The following DPH6 variants were observed in gnomAD, a reference collection of about 807,000 sequenced individuals.
The protein encoded by DPH6 is diphthamine biosynthesis 6.
In DPH6, 33 loss-of-function variants were observed where a neutral mutation model predicts 38.2. The observed-to-expected ratio is 0.86, with a 90% CI of 0.65 to 1.15. The LOEUF (loss-of-function observed/expected upper bound fraction) is 1.15. DPH6 is among the 50% of genes most tolerant of loss of function. The probability of loss-of-function intolerance (pLI) is 0.00; values close to 1 mark genes in which losing one functional copy is unlikely to be tolerated. For synonymous variants in DPH6, 108 were observed against 103.0 expected (o/e 1.05, Z -0.30); for missense variants, 325 against 320.0 (o/e 1.02, Z -0.12).
intron 8 of DPH6, 132 bp downstream of exon 8, chr15:35,373,389 G>GA (rs537631191): frequency 1.9e-4 from 140 of 720,028 alleles, no homozygotes; most frequent in Non-Finnish European, 2.5e-4. Context: ...CTGAGGAGCT[G>GA]AAAAAAAACC....
intron 3 of DPH6, chr15:35,237,212 G>A (rs2051558936): frequency 1.1e-6 from 1 of 878,778 alleles, no homozygotes; most frequent in Non-Finnish European, 1.9e-6. Flanking sequence ...TGCCGGGGGT[G>A]CTGGGGGCTC....
At chr15:35,233,211 A>C (rs2051530339) in intron 3 of DPH6, among the ~76,000 whole-genome samples, 1 of 152,134 alleles carries the variant, frequency 6.6e-6, no homozygotes, top group South Asian at 2.1e-4. Flanking sequence ...CGGGAATCTG[A>C]GGCAGTAGAA....
chr15:35,477,003 T>C (rs1396149591), intron 3 of DPH6, among the ~76,000 whole-genome samples: 1 of 151,764 alleles, frequency 6.6e-6, no homozygotes, highest in Non-Finnish European at 1.5e-5. Flanking sequence ...AACAAATACA[T>C]TTGCAAATTA....
chr15:35,299,314 G>A (rs1017720476), intron 3 of DPH6: 2 of 1,030,744 alleles, frequency 1.9e-6, no homozygotes, highest in South Asian at 1.3e-5. Context: ...ACCTTGTTTC[G>A]TCCTTTGGCT....
At chr15:35,520,894 A>G in intron 3 of DPH6, 1 of 985,202 alleles carries the variant, frequency 1.0e-6, no homozygotes, top group Non-Finnish European at 1.2e-6. Context: ...GAAAAACAGT[A>G]TACAACTCAT....
intron 3 of DPH6, chr15:35,298,504 T>A: frequency 1.3e-6 from 1 of 775,784 alleles, no homozygotes; most frequent in Non-Finnish European, 2.4e-6. Context: ...CATCCACCTT[T>A]CCCGCACCAA....
intron 3 of DPH6, among the ~76,000 whole-genome samples, chr15:35,478,368 CA>C (rs1285863076): frequency 1.2e-4 from 2 of 16,536 alleles, no homozygotes; most frequent in Non-Finnish European, 7.8e-4. Context: ...CCCACACATA[CA>C]CACACACACA....
intron 3 of DPH6, among the ~76,000 whole-genome samples, chr15:35,356,599 A>G (rs1267938978): frequency 6.6e-6 from 1 of 152,134 alleles, no homozygotes; most frequent in Non-Finnish European, 1.5e-5. Flanking sequence ...AGAGCAGCGG[A>G]TATTGGTGAA....
chr15:35,145,624 C>T, the DPH6 span, among the ~76,000 whole-genome samples: 41 of 152,164 alleles, frequency 2.7e-4, no homozygotes, highest in African/African-American at 8.4e-4. Context: ...TTCAGTTTGT[C>T]AAAATTCTTC....
intron 3 of DPH6, among the ~76,000 whole-genome samples, chr15:35,524,328 A>G (rs2031272090): frequency 6.6e-6 from 1 of 152,110 alleles, no homozygotes; most frequent in African/African-American, 2.4e-5. Flanking sequence ...CCTAGACCAC[A>G]CTTTGAGTAG....
intron 7 of DPH6, 78 bp from the exon 8 acceptor site, chr15:35,373,686 G>T: frequency 9.1e-7 from 1 of 1,103,164 alleles, no homozygotes; most frequent in Non-Finnish European, 1.3e-6. Context: ...GACTAGAAGA[G>T]ACTAAACATT....
rs1595440037 is a variant in DPH6 at position 35,521,780 on chromosome 15, T to C, written c.312+16494A>G. ...TGCTAAAAGGATGCAACATTGTTGA[T>C]TCATATACAAGCATTTTACTTAACT... On this transcript the variant is annotated intron_variant, in intron 3 of 8. Coordinates refer to ENST00000256538, the MANE Select transcript of DPH6 (RefSeq NM_080650.4). 10 of 1,236,518 alleles carry C rather than the reference T, an allele frequency of 8.1e-6. No individual in the cohort carries two copies. In the East Asian group the frequency reaches 3.1e-4, roughly 39 times the overall value. The allele number at this position is 1,236,518 out of a possible 1,614,324, so 76.6% of individuals were successfully genotyped here. A position where few individuals can be genotyped will look rare whatever the true frequency, so the allele number is the denominator to read the frequency against.
rs546662208 is a variant in DPH6 at position 35,534,776 on chromosome 15, C to T, written c.312+3498G>A. Among the ~76,000 whole-genome samples, 8 of 152,308 alleles carry T rather than the reference C, an allele frequency of 5.3e-5. No homozygotes were observed. The South Asian group carries it at 1.7e-3, about 32-fold the overall frequency. On this transcript the variant is annotated intron_variant, in intron 3 of 8. Coordinates refer to ENST00000256538, the MANE Select transcript of DPH6 (RefSeq NM_080650.4). ...ATCAAACAACTAGTGGAAGAACCATCCTTACACTGCAATTCTATTGGCTTT... is the reference window on the plus strand; with the variant it reads ...ATCAAACAACTAGTGGAAGAACCATTCTTACACTGCAATTCTATTGGCTTT...
At chr15:35,400,801 G>A in intron 6 of DPH6, 1 of 760,158 alleles carries the variant, frequency 1.3e-6, no homozygotes, top group Admixed American at 1.7e-5. Flanking sequence ...TGAGCAATGG[G>A]GAATGCTCAC....
intron 3 of DPH6, chr15:35,522,058 GA>G (rs75967142): frequency 0.057 from 90,665 of 1,601,142 alleles, 3,183 homozygotes; most frequent in African/African-American, 0.16. Context: ...TTTTAAACAG[GA>G]AAAGGGTTGA....
At chr15:35,537,924 A>G (rs2055195426) in intron 3 of DPH6, among the ~76,000 whole-genome samples, 1 of 152,138 alleles carries the variant, frequency 6.6e-6, no homozygotes, top group Non-Finnish European at 1.5e-5. Flanking sequence ...CCCAGTGTCT[A>G]GCACTATATG....
At chr15:35,326,493 G>A (rs2052283327), downstream of DPH6, among the ~76,000 whole-genome samples, 1 of 151,968 alleles carries the variant, frequency 6.6e-6, no homozygotes, top group Admixed American at 6.6e-5. Context: ...GTGCAGTGGT[G>A]CAAATGTGAT....
At chr15:35,232,319 T>C (rs1178957444) in intron 3 of DPH6, among the ~76,000 whole-genome samples, 1 of 152,144 alleles carries the variant, frequency 6.6e-6, no homozygotes, top group Admixed American at 6.5e-5. Context: ...CGGTGGCTCA[T>C]GCCTGTAATC....
chr15:35,241,300 T>C (rs56672273), intron 3 of DPH6, among the ~76,000 whole-genome samples: 3,847 of 139,520 alleles, frequency 0.028, 517 homozygotes, highest in African/African-American at 0.095. Context: ...CGCCGAGCTT[T>C]GGGTAACTCT....
Sources: allele counts gnomAD v4.1 joint callset (sites outside exome capture counted in the v4.1 genomes callset), GRCh38; gene constraint gnomAD v4.1.1; transcripts MANE v1.5; gene names NCBI Gene and HGNC (gene_info 2026-07-23, HGNC 2026-07-21).